The following XYLT1 variants were observed in gnomAD, a reference collection of about 807,000 sequenced individuals.
XYLT1 encodes xylosyltransferase 1.
In XYLT1, 36 loss-of-function variants were observed where a neutral mutation model predicts 91.3. The observed-to-expected ratio is 0.39, with a 90% confidence interval of 0.30 to 0.52. XYLT1 has a LOEUF of 0.52. Ranked by LOEUF, XYLT1 falls within the 20% of genes least tolerant of loss-of-function variation. XYLT1 has a pLI of 0.68. For synonymous variants in XYLT1, 588 were observed against 532.0 expected, an observed-to-expected ratio of 1.11 and a Z score of -1.45; for missense variants, 1,242 against 1,284.5, an observed-to-expected ratio of 0.97 and a Z score of 0.51.
intron 2 of XYLT1, among the ~76,000 whole-genome samples, chr16:17,336,305 C>T (rs757699104): frequency 1.3e-5 from 2 of 152,224 alleles, no homozygotes; most frequent in African/African-American, 2.4e-5. Context: ...ATCCAAGCCC[C>T]CACGGCGGTT....
intron 1 of XYLT1, among the ~76,000 whole-genome samples, chr16:17,390,726 T>C (rs1231535499): frequency 1.3e-5 from 2 of 152,214 alleles, no homozygotes; most frequent in African/African-American, 2.4e-5. Flanking sequence ...TGTAGGTCCA[T>C]TAGGTTACAA....
chr16:17,152,667 T>C (rs1204518423), intron 6 of XYLT1, among the ~76,000 whole-genome samples: 2 of 152,218 alleles, frequency 1.3e-5, no homozygotes, highest in African/African-American at 4.8e-5. Flanking sequence ...ATTAGTTCAA[T>C]GTCAGAAAAG....
At position 17,134,472 on chromosome 16, in the gene XYLT1, C is replaced by G; in HGVS notation, c.2027+1G>C. The G allele has an allele frequency of 6.2e-7, 1 of 1,614,000 alleles. No individual in the cohort carries two copies. Among genetic ancestry groups the G allele is most frequent in the Non-Finnish European group, 8.5e-7 (1 of 1,180,020 alleles). ...CTCTCTGCATCCCATATAGGGCTCACCGGCAGCTGTTCTCCCCATCCGTGT... is the reference window on the plus strand; with the variant it reads ...CTCTCTGCATCCCATATAGGGCTCAGCGGCAGCTGTTCTCCCCATCCGTGT... On this transcript the variant is annotated splice_donor_variant, in intron 9 of 11. Transcript: ENST00000261381. LOFTEE classifies it high-confidence loss of function.
chr16:17,161,812 G>T (rs1458336240), intron 5 of XYLT1, among the ~76,000 whole-genome samples: 1 of 151,814 alleles, frequency 6.6e-6, no homozygotes, highest in Non-Finnish European at 1.5e-5. Context: ...ACTTTTTGCT[G>T]AAATGATTAG....
intron 5 of XYLT1, among the ~76,000 whole-genome samples, chr16:17,195,347 G>A (rs566072910): frequency 2.0e-5 from 3 of 152,112 alleles, no homozygotes; most frequent in East Asian, 1.9e-4. Context: ...TCTAGGTCTC[G>A]GTTCAAAGCT....
chr16:17,405,741 A>T (rs76727997), intron 1 of XYLT1, among the ~76,000 whole-genome samples: 4,614 of 152,276 alleles, frequency 0.03, 82 homozygotes, highest in South Asian at 0.066. Context: ...ACGAGAACCC[A>T]GGGTTGAAGC....
At chr16:17,140,806 C>T (rs913757776) in intron 7 of XYLT1, among the ~76,000 whole-genome samples, 2 of 151,548 alleles carry the variant, frequency 1.3e-5, no homozygotes, top group African/African-American at 4.8e-5. Context: ...TTTTAAATAA[C>T]AGTTTTCTGG....
intron 6 of XYLT1, among the ~76,000 whole-genome samples, chr16:17,154,475 T>C (rs1211603482): frequency 6.6e-6 from 1 of 152,220 alleles, no homozygotes; most frequent in Non-Finnish European, 1.5e-5. Flanking sequence ...TTTCAGAGAT[T>C]TGAAAAACTT....
chr16:17,343,577 C>T (rs564012074), intron 2 of XYLT1, among the ~76,000 whole-genome samples: 1 of 152,304 alleles, frequency 6.6e-6, no homozygotes, highest in South Asian at 2.1e-4. Context: ...CTCAAGTGAT[C>T]CTCCCACCTC....
rs143472446 is a variant in XYLT1, at chr16:17,128,122, A to G, written c.2028-261T>C. Among the ~76,000 whole-genome samples the G allele has an allele frequency of 4.1e-3, 629 of 152,326 alleles. 4 individuals carry two copies. The highest frequency in any genetic ancestry group is 0.014 in the African/African-American group (586 of 41,576). ...CTACTTTCCATGCCTCTTCCCATAC[A>G]TAATGTCCATTCACAGATATTGAGT... On this transcript the variant is annotated intron_variant, in intron 9 of 11. Coordinates refer to ENST00000261381, the MANE Select transcript of XYLT1 (RefSeq NM_022166.4).
intron 3 of XYLT1, among the ~76,000 whole-genome samples, chr16:17,245,028 C>T (rs2033414007): frequency 6.6e-6 from 1 of 151,034 alleles, no homozygotes; most frequent in Non-Finnish European, 1.5e-5. Context: ...GTCACAAAAC[C>T]ACACTCTTTT....
At chr16:17,443,474 G>C (rs1423303855) in intron 1 of XYLT1, among the ~76,000 whole-genome samples, 4 of 152,058 alleles carry the variant, frequency 2.6e-5, no homozygotes, top group African/African-American at 2.4e-5. Flanking sequence ...CCCCTGCATT[G>C]TCTCTCTCTC....
At position 17,167,740 on chromosome 16, in the gene XYLT1, A is replaced by G. The variant is rs372064403; in HGVS notation, c.1290-8831T>C. On this transcript the variant is annotated intron_variant, in intron 5 of 11. Coordinates refer to ENST00000261381, the MANE Select transcript of XYLT1 (RefSeq NM_022166.4). ...CCATCTCGTGAATGGATTCTAACCCATCCTTCCATCTCATGCATGGATTCT... is the reference window on the plus strand; with the variant it reads ...CCATCTCGTGAATGGATTCTAACCCGTCCTTCCATCTCATGCATGGATTCT... Among the ~76,000 whole-genome samples the G allele has an allele frequency of 2.2e-3, 333 of 151,256 alleles. 3 individuals carry two copies. The highest frequency in any genetic ancestry group is 7.7e-3 in the African/African-American group (317 of 41,106).
chr16:17,136,489 G>A (rs1459266464), intron 8 of XYLT1, among the ~76,000 whole-genome samples: 2 of 152,162 alleles, frequency 1.3e-5, no homozygotes, highest in African/African-American at 2.4e-5. Context: ...CCGTCTAGCT[G>A]TGCAGGTCAA....
chr16:17,468,197 C>T (rs1306423157), intron 1 of XYLT1, among the ~76,000 whole-genome samples: 1 of 151,972 alleles, frequency 6.6e-6, no homozygotes, highest in Admixed American at 6.6e-5. Context: ...GGACAGACCC[C>T]GGGCTCCAGC....
chr16:17,139,332 G>C (rs1407687523), intron 7 of XYLT1, among the ~76,000 whole-genome samples: 1 of 152,140 alleles, frequency 6.6e-6, no homozygotes, highest in Non-Finnish European at 1.5e-5. Context: ...TTCTAAACCA[G>C]TCCTCTTGAA....
intron 6 of XYLT1, among the ~76,000 whole-genome samples, chr16:17,147,121 A>T (rs2031154374): frequency 6.6e-6 from 1 of 152,208 alleles, no homozygotes; most frequent in South Asian, 2.1e-4. Flanking sequence ...CTTGCTGGGA[A>T]GGAACTCAGC....
At chr16:17,152,589 C>T (rs957930120) in intron 6 of XYLT1, among the ~76,000 whole-genome samples, 2 of 152,320 alleles carry the variant, frequency 1.3e-5, no homozygotes, top group East Asian at 1.9e-4. Context: ...GCCAGGCTCT[C>T]GACTGATTTG....
intron 1 of XYLT1, among the ~76,000 whole-genome samples, chr16:17,393,444 C>T (rs1437096446): frequency 6.6e-6 from 1 of 151,910 alleles, no homozygotes; most frequent in Non-Finnish European, 1.5e-5. Context: ...TCTCATCATC[C>T]CCCCCAACCA....
Sources: allele counts gnomAD v4.1 joint callset (sites outside exome capture counted in the v4.1 genomes callset), GRCh38; gene constraint gnomAD v4.1.1; transcripts MANE v1.5; gene names NCBI Gene and HGNC (gene_info 2026-07-23, HGNC 2026-07-21).